BMPR1B: variants seen among roughly 807,000 people sequenced by gnomAD.
BMPR1B encodes bone morphogenetic protein receptor type 1B, also known as bone morphogenetic protein receptor type-1B.
In BMPR1B, 12 loss-of-function variants were observed where a neutral mutation model predicts 59.1. The ratio of observed to expected loss-of-function variants is 0.20; its 90% CI spans 0.13 to 0.33. The LOEUF is 0.33. BMPR1B is among the 10% of genes least tolerant of loss of function. The pLI is 1.00. For missense variants in BMPR1B, 550 were observed against 610.9 expected (o/e 0.90, Z 1.05); for synonymous variants, 237 against 207.3 (o/e 1.14, Z -1.23).
At chr4:95,118,915 TAAAG>T (rs1732267296) in intron 6 of BMPR1B, among the ~76,000 whole-genome samples, 4 of 152,158 alleles carry the variant, frequency 2.6e-5, no homozygotes, top group Admixed American at 1.3e-4. Flanking sequence ...TAGCCTTAAA[TAAAG>T]TGCTTGATGG....
At chr4:94,936,837 C>T (rs1403227421) in intron 2 of BMPR1B, among the ~76,000 whole-genome samples, 1 of 152,102 alleles carries the variant, frequency 6.6e-6, no homozygotes, top group Admixed American at 6.6e-5. Context: ...TAGCACAGTT[C>T]TCTTCTCTGT....
At chr4:95,005,349 C>G (rs1306381659) in intron 3 of BMPR1B, among the ~76,000 whole-genome samples, 1 of 152,044 alleles carries the variant, frequency 6.6e-6, no homozygotes, top group Non-Finnish European at 1.5e-5. Context: ...GGTATTAGAG[C>G]ATACCTGAGA....
intron 2 of BMPR1B, among the ~76,000 whole-genome samples, chr4:94,981,211 T>C (rs1387487694): frequency 2.6e-3 from 1 of 378 alleles, no homozygotes; most frequent in Non-Finnish European, 0.022. Flanking sequence ...TTATCCTTTC[T>C]TTTTTTTTTT....
intron 3 of BMPR1B, among the ~76,000 whole-genome samples, chr4:94,998,774 GACCAGGCTTTACT>G (rs993404591): frequency 4.6e-5 from 7 of 152,078 alleles, no homozygotes; most frequent in Non-Finnish European, 8.8e-5. Context: ...TATAGATAAA[GACCAGGCTTTACT>G]ATGAGTCTCT....
chr4:95,123,047 A>G (rs1304973328), intron 6 of BMPR1B, among the ~76,000 whole-genome samples: 5 of 152,152 alleles, frequency 3.3e-5, no homozygotes, highest in African/African-American at 7.2e-5. Context: ...AGTACTTTGA[A>G]TGGAAATCTT....
At chr4:94,923,955 T>A (rs1728793242) in intron 2 of BMPR1B, among the ~76,000 whole-genome samples, 1 of 152,158 alleles carries the variant, frequency 6.6e-6, no homozygotes, top group Non-Finnish European at 1.5e-5. Flanking sequence ...CTTGATGGGT[T>A]GCCTTTGACA....
At chr4:94,902,257 G>C (rs917516330) in intron 2 of BMPR1B, among the ~76,000 whole-genome samples, 11,640 of 92,710 alleles carry the variant, frequency 0.13, 502 homozygotes, top group African/African-American at 0.16. Context: ...CACAGAGAGA[G>C]AGAGAGAGAG....
intron 1 of BMPR1B, among the ~76,000 whole-genome samples, chr4:94,810,359 G>T (rs933093183): frequency 6.6e-6 from 1 of 152,056 alleles, no homozygotes; most frequent in Admixed American, 6.6e-5. Flanking sequence ...CTATAAATAT[G>T]TATGTAACCA....
intron 3 of BMPR1B, among the ~76,000 whole-genome samples, chr4:95,050,864 T>G (rs1726448965): frequency 6.6e-6 from 1 of 152,158 alleles, no homozygotes; most frequent in Non-Finnish European, 1.5e-5. Context: ...CAAAAACAAT[T>G]TTGAAAAAAT....
intron 3 of BMPR1B, among the ~76,000 whole-genome samples, chr4:95,019,586 A>G (rs952366704): frequency 4.6e-5 from 7 of 152,192 alleles, no homozygotes; most frequent in Admixed American, 3.3e-4. Flanking sequence ...CTGGTCTTAA[A>G]ATTGTGATCC....
chr4:94,944,003 TG>T (rs1397556056), intron 2 of BMPR1B, among the ~76,000 whole-genome samples: 18 of 152,110 alleles, frequency 1.2e-4, no homozygotes, highest in Non-Finnish European at 2.1e-4. Context: ...TACCACAAAG[TG>T]GAAAATTTCA....
chr4:94,918,684 A>T (rs534135284), intron 2 of BMPR1B, among the ~76,000 whole-genome samples: 4,010 of 95,684 alleles, frequency 0.042, 105 homozygotes, highest in African/African-American at 0.12. Flanking sequence ...ACACTGTTTA[A>T]AAAAAAAAAA....
chr4:95,023,698 A>C (rs924726442), intron 3 of BMPR1B, among the ~76,000 whole-genome samples: 3 of 152,210 alleles, frequency 2.0e-5, no homozygotes, highest in Non-Finnish European at 1.5e-5. Context: ...CACTTCCTTT[A>C]AAATGTGTTT....
chr4:94,953,639 G>A (rs1046841335), intron 2 of BMPR1B, among the ~76,000 whole-genome samples: 11 of 152,202 alleles, frequency 7.2e-5, no homozygotes, highest in Admixed American at 3.3e-4. Flanking sequence ...TTAGCGTGAT[G>A]CGCTTTCATT....
intron 3 of BMPR1B, among the ~76,000 whole-genome samples, chr4:95,035,347 T>G (rs1265429724): frequency 6.6e-6 from 1 of 152,170 alleles, no homozygotes; most frequent in Non-Finnish European, 1.5e-5. Context: ...TCATGAACTC[T>G]TTGCCTAAGC....
At chr4:95,100,077 C>T (rs1486523510) in intron 3 of BMPR1B, among the ~76,000 whole-genome samples, 1 of 152,144 alleles carries the variant, frequency 6.6e-6, no homozygotes, top group African/African-American at 2.4e-5. Flanking sequence ...CCTGCTTGCT[C>T]CTGAAGTCCT....
At chr4:95,116,982 C>T (rs934408628) in intron 6 of BMPR1B, among the ~76,000 whole-genome samples, 5 of 151,860 alleles carry the variant, frequency 3.3e-5, no homozygotes, top group Admixed American at 2.0e-4. Context: ...AAGAGAGCAC[C>T]GTGTCAATAA....
intron 1 of BMPR1B, among the ~76,000 whole-genome samples, chr4:94,834,695 A>T (rs1400885501): frequency 6.6e-6 from 1 of 152,146 alleles, no homozygotes; most frequent in Non-Finnish European, 1.5e-5. Flanking sequence ...GTTCACCAGG[A>T]TGGGAGTGTT....
chr4:94,786,821 G>A (rs933058799), intron 1 of BMPR1B, among the ~76,000 whole-genome samples: 1 of 152,152 alleles, frequency 6.6e-6, no homozygotes, highest in Non-Finnish European at 1.5e-5. Flanking sequence ...TGGGATTACA[G>A]GCGTGAGCCA....
Sources: gnomAD v4.1 joint callset for allele counts (sites outside exome capture counted in the v4.1 genomes callset) on GRCh38, gnomAD v4.1.1 for gene constraint, MANE v1.5 for transcripts, NCBI Gene and HGNC (gene_info 2026-07-23, HGNC 2026-07-21) for gene names.